ZNF37A: variants seen among roughly 807,000 people sequenced by gnomAD.
ZNF37A encodes zinc finger protein 37a (KOX 21).
Under a neutral mutation model 12.3 loss-of-function variants are expected in ZNF37A, and 10 were observed. The ratio of observed to expected loss-of-function variants is 0.82; its 90% CI spans 0.50 to 1.38. ZNF37A has a LOEUF of 1.38. Ranked by LOEUF, ZNF37A falls within the 40% of genes most tolerant of loss-of-function variation. The pLI is 0.00. For synonymous variants in ZNF37A, 207 were observed against 223.0 expected (o/e 0.93, Z 0.64); for missense variants, 580 against 651.2 (o/e 0.89, Z 1.19).
rs1386606419 is a variant in ZNF37A at position 38,118,694 on chromosome 10, A to G, written c.1543A>G (p.Arg515Gly). 6.2e-7 allele frequency: 1 copy of G among 1,614,010 alleles called. No homozygotes were observed. Among genetic ancestry groups the G allele is most frequent in the Non-Finnish European group, 8.5e-7 (1 of 1,179,974 alleles). ...CVKSKLIAHH[R>G]THTGEKPYEC... Reference sequence around the variant, plus strand: ...GAAGTCAAAACTCATTGCACATCATAGAACACACACAGGGGAGAAACCCTA... The same window carrying G: ...GAAGTCAAAACTCATTGCACATCATGGAACACACACAGGGGAGAAACCCTA... The change falls in exon 8 of 8, where the codon AGA becomes GGA. Residue 515 changes from arginine (R) to glycine (G), a missense_variant. Physicochemically the swap from Arg to Gly is moderately radical, Grantham distance 125. Coordinates refer to ENST00000685332, the MANE Select transcript of ZNF37A (RefSeq NM_001324250.3).
intron 7 of ZNF37A, chr10:38,117,051 G>A (rs1163610126): frequency 2.3e-6 from 1 of 426,132 alleles, no homozygotes; most frequent in Non-Finnish European, 3.1e-6. Flanking sequence ...GGAGATTGCA[G>A]TGAGCCGAGA....
In ZNF37A at chr10:38,117,532, C is replaced by A; in HGVS notation, c.381C>A (p.Phe127Leu). Residue 127 changes from phenylalanine (F) to leucine (L), a missense_variant, in exon 8 of 8, where the codon TTC (phenylalanine) becomes TTA (leucine). Phe to Leu is a conservative substitution (Grantham distance 22, BLOSUM62 0). Coordinates refer to ENST00000685332, the MANE Select transcript of ZNF37A (RefSeq NM_001324250.3). ...PSEYNKNGNS[F>L]WLNEDLIWHQ... ...AATATAATAAAAATGGGAACAGCTT[C>A]TGGCTGAATGAAGACCTCATTTGGC... The A allele has an allele frequency of 6.2e-7, 1 of 1,613,622 alleles. No homozygotes were observed. Among genetic ancestry groups the A allele is most frequent in the African/African-American group, 1.3e-5 (1 of 75,006 alleles).
At chr10:38,142,865 A>G (rs1003471970) in intron 7 of ZNF37A, 1 of 152,220 alleles carries the variant, frequency 6.6e-6, no homozygotes, top group African/African-American at 2.4e-5. Context: ...ATTTACATGC[A>G]TGAAGAACTA....
chr10:38,103,431 A>T (rs1159441739), intron 5 of ZNF37A, among the ~76,000 whole-genome samples: 1 of 152,198 alleles, frequency 6.6e-6, no homozygotes, highest in African/African-American at 2.4e-5. Flanking sequence ...TTGGCACAGC[A>T]TCATTCTCCT....
In ZNF37A at chr10:38,120,002, A is replaced by G. The variant is rs1435883257; in HGVS notation, c.*1165A>G. ...TCTGCCCTGCAGATGTCTAACACAT[A>G]AGCCAGGACATTCTGCTGTGAGTGA... is the stretch of plus-strand genomic sequence containing the variant. On this transcript the variant is annotated 3_prime_UTR_variant, in exon 8 of 8. Transcript: ENST00000685332. 6.6e-6 allele frequency: 1 copy of G among 152,234 alleles called. No individual in the cohort carries two copies. Among genetic ancestry groups the G allele is most frequent in the Non-Finnish European group, 1.5e-5 (1 of 68,052 alleles). 9.4% of individuals were successfully genotyped at this position (152,234 alleles called of 1,614,324 possible).
intron 7 of ZNF37A, among the ~76,000 whole-genome samples, chr10:38,136,301 G>A (rs1371732568): frequency 2.0e-5 from 3 of 151,958 alleles, no homozygotes; most frequent in East Asian, 3.9e-4. Context: ...CTGCCACCAC[G>A]CCTGGCTAAT....
intron 7 of ZNF37A, among the ~76,000 whole-genome samples, chr10:38,134,429 C>A (rs2070076969): frequency 6.6e-6 from 1 of 152,162 alleles, no homozygotes; most frequent in Non-Finnish European, 1.5e-5. Flanking sequence ...GTGGTTTTAT[C>A]TACCTTTGGT....
rs1026469667 is a variant in ZNF37A, at chr10:38,123,303, A to C, written c.*4466A>C. ...CATATACACCTACTTTGTACCCACA[A>C]AAATTTAAAAATAAAGTTAATTTCA... On this transcript the variant is annotated 3_prime_UTR_variant, in exon 8 of 8. Transcript: ENST00000685332. The C allele has an allele frequency of 1.3e-5, 2 of 151,886 alleles. No homozygotes were observed. The highest frequency in any genetic ancestry group is 1.3e-4 in the Admixed American group (2 of 15,086). 9.4% of individuals were successfully genotyped at this position (151,886 alleles called of 1,614,324 possible). A position where few individuals can be genotyped will look rare whatever the true frequency, so the allele number is the denominator to read the frequency against.
chr10:38,101,027 T>C (rs1423105358), intron 5 of ZNF37A, among the ~76,000 whole-genome samples: 6 of 152,216 alleles, frequency 3.9e-5, no homozygotes, highest in African/African-American at 1.2e-4. Flanking sequence ...TTGTCCATCT[T>C]TGAATCAGGT....
intron 5 of ZNF37A, among the ~76,000 whole-genome samples, chr10:38,108,443 A>T (rs1223338358): frequency 6.6e-6 from 1 of 152,234 alleles, no homozygotes; most frequent in Admixed American, 6.5e-5. Flanking sequence ...GAACTAGAGA[A>T]GCAAGAGCAA....
At chr10:38,106,820 GGAAC>G (rs1480135783) in intron 5 of ZNF37A, among the ~76,000 whole-genome samples, 1 of 152,048 alleles carries the variant, frequency 6.6e-6, no homozygotes, top group Non-Finnish European at 1.5e-5. Context: ...AGAATGAAAA[GGAAC>G]GAACAAAGCC....
chr10:38,099,096 A>G (rs1274271960), intron 5 of ZNF37A, among the ~76,000 whole-genome samples: 10 of 152,190 alleles, frequency 6.6e-5, no homozygotes, highest in African/African-American at 2.2e-4. Flanking sequence ...ACAATGTTGA[A>G]TATATGTGGC....
intron 7 of ZNF37A, among the ~76,000 whole-genome samples, chr10:38,145,864 T>C (rs1299919507): frequency 6.6e-6 from 1 of 152,204 alleles, no homozygotes; most frequent in Non-Finnish European, 1.5e-5. Context: ...TTTGGGAGGC[T>C]GAGGCGGGCA....
intron 7 of ZNF37A, among the ~76,000 whole-genome samples, chr10:38,134,483 CCTTT>C (rs1375625568): frequency 1.3e-5 from 2 of 152,150 alleles, no homozygotes; most frequent in Non-Finnish European, 2.9e-5. Context: ...GTGTGGATGT[CCTTT>C]CTGTTTGCTA....
At position 38,118,834 on chromosome 10, in the gene ZNF37A, G is replaced by C. The variant is rs1464552640; in HGVS notation, c.1683G>C (p.Gly561=). 5 of 1,562,814 alleles carry C rather than the reference G, an allele frequency of 3.2e-6. No homozygotes were observed. The African/African-American group carries it at 6.8e-5, about 21-fold the overall frequency. ...INVVNEGNYS[G] ...TAGTAAACGAGGGAAATTACTCTGGGTGAAGTCAGAACTTTGTAGAACACA... is the reference window on the plus strand; with the variant it reads ...TAGTAAACGAGGGAAATTACTCTGGCTGAAGTCAGAACTTTGTAGAACACA... The change falls in exon 8 of 8, where the codon GGG becomes GGC. Residue 561 remains glycine, a synonymous_variant. Transcript: ENST00000685332.
chr10:38,102,839 T>A (rs2067708629), intron 5 of ZNF37A, among the ~76,000 whole-genome samples: 3 of 151,984 alleles, frequency 2.0e-5, no homozygotes, highest in Non-Finnish European at 4.4e-5. Flanking sequence ...TTTTTGTTAT[T>A]TTTTTTTCTT....
At chr10:38,145,661 A>G (rs1365873236) in intron 7 of ZNF37A, among the ~76,000 whole-genome samples, 2 of 152,350 alleles carry the variant, frequency 1.3e-5, no homozygotes, top group Non-Finnish European at 2.9e-5. Context: ...GGATGTGCCT[A>G]TACAGTTCAT....
rs554070478 is a variant in ZNF37A, at chr10:38,106,047, A to G, written c.16-8708A>G. 1.0e-3 allele frequency among the ~76,000 whole-genome samples: 152 copies of G among 152,264 alleles called. 5 individuals carry two copies. The South Asian group carries it at 0.03, about 30-fold the overall frequency. ...TGAATTGCAGTGGTGTGAAAGCACT[A>G]TCATTGCCTGTTCATGATCTTAGGG... On this transcript the variant is annotated intron_variant, in intron 5 of 7. Coordinates refer to ENST00000685332, the MANE Select transcript of ZNF37A (RefSeq NM_001324250.3).
rs1315516834 is a variant in ZNF37A at position 38,115,218 on chromosome 10, G to A, written c.166G>A (p.Val56Met). The change falls in exon 7 of 8, where the codon GTG (valine) becomes ATG (methionine). Residue 56 changes from valine to methionine, a missense_variant. Physicochemically the swap from Val to Met is conservative, Grantham distance 21. Transcript: ENST00000685332. ...SVGYCIPKPE[V>M]ILKLEKGEEP... The stretch of plus-strand genomic sequence containing the variant: ...AGGGTATTGCATTCCTAAACCAGAA[G>A]TGATTCTCAAGTTGGAGAAAGGCGA... 1 of 1,613,814 alleles carries A rather than the reference G, an allele frequency of 6.2e-7. No homozygotes were observed. The highest frequency in any genetic ancestry group is 8.5e-7 in the Non-Finnish European group (1 of 1,179,966).
Sources: allele counts gnomAD v4.1 joint callset (sites outside exome capture counted in the v4.1 genomes callset), GRCh38; gene constraint gnomAD v4.1.1; transcripts MANE v1.5; gene names NCBI Gene and HGNC (gene_info 2026-07-23, HGNC 2026-07-21).